MTHFD2: variants seen among roughly 807,000 people sequenced by gnomAD.
MTHFD2 encodes the protein bifunctional methylenetetrahydrofolate dehydrogenase/cyclohydrolase, mitochondrial.
A neutral mutation model predicts 36.8 loss-of-function variants in MTHFD2; 26 were observed. The observed-to-expected ratio is 0.71, with a 90% confidence interval of 0.52 to 0.98. The LOEUF (loss-of-function observed/expected upper bound fraction) is 0.98, where lower values mean the gene tolerates loss of function less well. Ranked by LOEUF, MTHFD2 falls within the 50% of genes least tolerant of loss-of-function variation. The pLI, the probability that MTHFD2 is intolerant of heterozygous loss-of-function variation, is 0.00. For missense variants in MTHFD2, 373 were observed against 434.0 expected, an observed-to-expected ratio of 0.86 and a Z score of 1.25; for synonymous variants, 164 against 155.2, an observed-to-expected ratio of 1.06 and a Z score of -0.42.
chr2:74,200,202 C>G (rs1255711708), intron 1 of MTHFD2, among the ~76,000 whole-genome samples: 1 of 152,030 alleles, frequency 6.6e-6, no homozygotes, highest in African/African-American at 2.4e-5. Context: ...CCCCTTCTCC[C>G]TCTTCCTGAG....
At chr2:74,204,535 C>T (rs573418852) in intron 1 of MTHFD2, among the ~76,000 whole-genome samples, 2 of 152,316 alleles carry the variant, frequency 1.3e-5, no homozygotes, top group African/African-American at 2.4e-5. Context: ...GCCTCAGGGA[C>T]GAGCTCTTAC....
intron 4 of MTHFD2, among the ~76,000 whole-genome samples, chr2:74,209,235 TTTTC>T (rs1057409965): frequency 6.6e-6 from 1 of 151,186 alleles, no homozygotes; most frequent in African/African-American, 2.4e-5. Context: ...AATTTTCTAT[TTTTC>T]TTTTTCTTTT....
At chr2:74,201,358 C>CA (rs1553448133) in intron 1 of MTHFD2, among the ~76,000 whole-genome samples, 7 of 146,074 alleles carry the variant, frequency 4.8e-5, no homozygotes, top group African/African-American at 1.8e-4. Context: ...TTTTTCTTTC[C>CA]TTTTTTTTTT....
At position 74,211,768 on chromosome 2, in the gene MTHFD2, T is replaced by G; in HGVS notation, c.791T>G (p.Met264Arg). The change falls in exon 7 of 8, where the codon ATG (methionine) becomes AGG (arginine). Residue 264 changes from methionine (M) to arginine (R), a missense_variant. Physicochemically the swap from Met to Arg is moderately conservative, Grantham distance 91. Around this residue, in one of 2 missense-constraint regions of MTHFD2, gnomAD observed 308 missense variants for 397.8 expected, o/e 0.77. Transcript: ENST00000394053. ...ATTCCAAATCTGATCACAGCAGATA[T>G]GATCAAGGAAGGAGCAGCAGTCATT... ...AGIPNLITAD[M>R]IKEGAAVIDV... 6.2e-7 allele frequency: 1 copy of G among 1,611,572 alleles called. No homozygotes were observed.
At chr2:74,208,219 A>C (rs910926726) in intron 3 of MTHFD2, among the ~76,000 whole-genome samples, 1 of 151,070 alleles carries the variant, frequency 6.6e-6, no homozygotes, top group African/African-American at 2.4e-5. Context: ...AGGCCTTGTT[A>C]CTTTATACAC....
Position 74,203,942 on chromosome 2 carries a change from C to G in MTHFD2, c.102-1763C>G, listed in dbSNP as rs562223085. Among the ~76,000 whole-genome samples, 3 of 137,576 alleles carry G rather than the reference C, an allele frequency of 2.2e-5. No individual in the cohort carries two copies. In the Admixed American group the frequency reaches 2.4e-4, roughly 11 times the overall value. 90.3% of individuals were successfully genotyped at this position (137,576 alleles called of 152,430 possible). On this transcript the variant is annotated intron_variant, in intron 1 of 7. Coordinates refer to ENST00000394053, the MANE Select transcript of MTHFD2 (RefSeq NM_006636.4). ...TTAGTTTAGTTTTTTGAGATGCAGT[C>G]TTTCTCTGTCGCCCAGGCTAGAGTG...
chr2:74,214,228 G>A lies in MTHFD2; in HGVS notation c.1039G>A (p.Val347Ile), dbSNP rs373797950. ...AGTGCTGAAGTCTAAAGAGCTTGGGGTAGCCACTAATTAACTACTGTGTCT... is the reference window on the plus strand; with the variant it reads ...AGTGCTGAAGTCTAAAGAGCTTGGGATAGCCACTAATTAACTACTGTGTCT... ...REVLKSKELG[V>I]ATN The change falls in exon 8 of 8, where the codon GTA becomes ATA. Residue 347 changes from valine to isoleucine, a missense_variant. Transcript: ENST00000394053. 4.0e-5 allele frequency: 64 copies of A among 1,613,722 alleles called. No homozygotes were observed. Among genetic ancestry groups the A allele is most frequent in the Non-Finnish European group, 5.3e-5 (62 of 1,179,840 alleles).
intron 1 of MTHFD2, among the ~76,000 whole-genome samples, chr2:74,203,600 C>A (rs1211340253): frequency 6.6e-6 from 1 of 152,000 alleles, no homozygotes; most frequent in Non-Finnish European, 1.5e-5. Flanking sequence ...ATTGCTCCAG[C>A]CTGGGCAACA....
At chr2:74,202,563 T>G (rs1694064872) in intron 1 of MTHFD2, among the ~76,000 whole-genome samples, 1 of 151,870 alleles carries the variant, frequency 6.6e-6, no homozygotes, top group Admixed American at 6.6e-5. Context: ...CAGGCTGGAG[T>G]GCAGTGGCAC....
chr2:74,215,736 G>A lies in MTHFD2; in HGVS notation c.*1494G>A, dbSNP rs908401419. 1.3e-5 allele frequency: 2 copies of A among 152,382 alleles called. No individual in the cohort carries two copies. The highest frequency in any genetic ancestry group is 1.9e-4 in the East Asian group (1 of 5,204). 9.4% of individuals were successfully genotyped at this position (152,382 alleles called of 1,614,324 possible). A position where few individuals can be genotyped will look rare whatever the true frequency, so the allele number is the denominator to read the frequency against. On this transcript the variant is annotated 3_prime_UTR_variant, in exon 8 of 8. Transcript: ENST00000394053. ...CAATTCTTGTGCCTCAGCCTCCTGA[G>A]TAGCTGGGATTACAGGTGCATGCCA...
chr2:74,202,822 G>T (rs1023220478), intron 1 of MTHFD2, among the ~76,000 whole-genome samples: 1 of 151,950 alleles, frequency 6.6e-6, no homozygotes, highest in African/African-American at 2.4e-5. Flanking sequence ...CACCATGCCC[G>T]GCCTGCAAAA....
In MTHFD2 at chr2:74,208,488, T is replaced by G. The variant is rs181157252; in HGVS notation, c.410-81T>G. On this transcript the variant is annotated intron_variant, in intron 3 of 7. Coordinates refer to ENST00000394053, the MANE Select transcript of MTHFD2 (RefSeq NM_006636.4). ...GCAAGCTGTAGAAGAATAGATTTCC[T>G]TGCGAAGCAGATAAGCTGGAGTCAG... 245 of 1,475,044 alleles carry G rather than the reference T, an allele frequency of 1.7e-4. 3 individuals are homozygous for G. The Admixed American group carries it at 4.7e-3, about 28-fold the overall frequency. The allele number at this position is 1,475,044 out of a possible 1,614,324, so 91.4% of individuals were successfully genotyped here. A position where few individuals can be genotyped will look rare whatever the true frequency, so the allele number is the denominator to read the frequency against.
chr2:74,198,718 G>C lies in MTHFD2; in HGVS notation c.77G>C (p.Arg26Pro). Reference protein sequence around the residue: ...QPAHSCSLRLRPFHLAAVRNE... With the variant: ...QPAHSCSLRLPPFHLAAVRNE... ...GCGCACAGCTGCTCCCTTCGCCTTC[G>C]CCCTTTCCACCTCGCGGCAGTTCGG... Residue 26 changes from arginine to proline, a missense_variant, in exon 1 of 8, where the codon CGC becomes CCC. Around this residue, in one of 2 missense-constraint regions of MTHFD2, gnomAD observed 65 missense variants for 36.1 expected, o/e 1.80. Coordinates refer to ENST00000394053, the MANE Select transcript of MTHFD2 (RefSeq NM_006636.4). 1.2e-6 allele frequency: 2 copies of C among 1,610,474 alleles called. No individual in the cohort carries two copies. Among genetic ancestry groups the C allele is most frequent in the Non-Finnish European group, 8.5e-7 (1 of 1,178,710 alleles).
Position 74,207,768 on chromosome 2 carries a change from CAATAAACTG to C in MTHFD2, c.357_365del (p.Lys119_Asn121del). 6.2e-7 allele frequency: 1 copy of C among 1,607,356 alleles called. No homozygotes were observed. The highest frequency in any genetic ancestry group is 8.5e-7 in the Non-Finnish European group (1 of 1,174,594). On this transcript the variant is annotated inframe_deletion, in exon 3 of 8. Transcript: ENST00000394053. Reference sequence around the variant, plus strand: ...CAGAGGAAGAATTGTTGAATTTAATCAATAAACTGAATAATGATGATAATGTAGATGGCC... The same window carrying C: ...CAGAGGAAGAATTGTTGAATTTAATCAATAATGATGATAATGTAGATGGCC...
At chr2:74,209,141 A>G (rs1050523054) in intron 4 of MTHFD2, among the ~76,000 whole-genome samples, 2 of 152,186 alleles carry the variant, frequency 1.3e-5, no homozygotes, top group Non-Finnish European at 2.9e-5. Flanking sequence ...GAGTGCTGGG[A>G]TTATAGGCAT....
chr2:74,198,729 C>G lies in MTHFD2; in HGVS notation c.88C>G (p.Leu30Val). ...CTCCCTTCGCCTTCGCCCTTTCCACCTCGCGGCAGTTCGGTAAGAGGGTCA... is the reference window on the plus strand; with the variant it reads ...CTCCCTTCGCCTTCGCCCTTTCCACGTCGCGGCAGTTCGGTAAGAGGGTCA... ...SCSLRLRPFH[L>V]AAVRNEAVVI... is the part of the protein sequence containing the mutation. Residue 30 changes from leucine to valine, a missense_variant, in exon 1 of 8, where the codon CTC (leucine) becomes GTC (valine). Physicochemically the swap from Leu to Val is conservative, Grantham distance 32 (BLOSUM62 1). Coordinates refer to ENST00000394053, the MANE Select transcript of MTHFD2 (RefSeq NM_006636.4). The G allele has an allele frequency of 1.2e-6, 2 of 1,609,902 alleles. No homozygotes were observed. The highest frequency in any genetic ancestry group is 2.2e-5 in the East Asian group (1 of 44,696).
At chr2:74,211,573 A>AAAT in intron 6 of MTHFD2, 168 bp from the exon 7 acceptor site, 1 of 632,166 alleles carries the variant, frequency 1.6e-6, no homozygotes, top group Non-Finnish European at 2.4e-6. Context: ...TCAGGAGCCA[A>AAAT]AATAAAAAAA....
intron 7 of MTHFD2, among the ~76,000 whole-genome samples, chr2:74,212,157 T>G: frequency 7.6e-6 from 1 of 131,910 alleles, no homozygotes; most frequent in African/African-American, 3.0e-5. Flanking sequence ...CCCTCTCTCC[T>G]TCCCTTCCTT....
At position 74,214,586 on chromosome 2, in the gene MTHFD2, G is replaced by A. The variant is rs1694388510; in HGVS notation, c.*344G>A. 1 of 159,354 alleles carries A rather than the reference G, an allele frequency of 6.3e-6. No homozygotes were observed. The allele number at this position is 159,354 out of a possible 1,614,324, so 9.9% of individuals were successfully genotyped here. A position where few individuals can be genotyped will look rare whatever the true frequency, so the allele number is the denominator to read the frequency against. On this transcript the variant is annotated 3_prime_UTR_variant, in exon 8 of 8. Transcript: ENST00000394053. ...AGGATTGCATTTCCCAAGTGCTATT[G>A]CAATAACAGTTGATACTCATTTTAG...
Sources: gnomAD v4.1 joint callset for allele counts (sites outside exome capture counted in the v4.1 genomes callset) on GRCh38, gnomAD v4.1.1 for gene constraint, gnomAD v4.1.1 regional missense constraint, MANE v1.5 for transcripts, NCBI Gene and HGNC (gene_info 2026-07-23, HGNC 2026-07-21) for gene names.